ATP9A: variants seen among roughly 807,000 people sequenced by gnomAD.
ATP9A encodes the protein probable phospholipid-transporting ATPase IIA.
A neutral mutation model predicts 144.1 loss-of-function variants in ATP9A; 52 were observed. That is an observed-to-expected ratio of 0.36 (90% CI 0.29 to 0.45). The LOEUF (loss-of-function observed/expected upper bound fraction) is 0.45. Ranked by LOEUF, ATP9A falls within the 20% of genes least tolerant of loss-of-function variation. The probability of loss-of-function intolerance (pLI) is 1.00; values close to 1 mark genes in which losing one functional copy is unlikely to be tolerated. For missense variants in ATP9A, 947 were observed against 1,392.7 expected, an observed-to-expected ratio of 0.68 and a Z score of 5.09; for synonymous variants, 582 against 557.4, an observed-to-expected ratio of 1.04 and a Z score of -0.62.
intron 15 of ATP9A, 48 bp from the exon 16 acceptor site, chr20:51,629,120 T>C (rs2077261118): frequency 1.3e-6 from 2 of 1,495,666 alleles, no homozygotes; most frequent in Non-Finnish European, 1.9e-6. Context: ...GAACACCCTC[T>C]TTCAGCGGCA....
At chr20:51,627,860 G>A (rs2077255879) in intron 16 of ATP9A, among the ~76,000 whole-genome samples, 177 bp from the exon 17 acceptor site, 1 of 152,156 alleles carries the variant, frequency 6.6e-6, no homozygotes, top group Non-Finnish European at 1.5e-5. Flanking sequence ...AGGGGAAGTT[G>A]CAGAGAGGCA....
chr20:51,695,990 C>T, intron 6 of ATP9A, 103 bp downstream of exon 6: 2 of 1,094,624 alleles, frequency 1.8e-6, no homozygotes, highest in Non-Finnish European at 2.7e-6. Flanking sequence ...GCCTCCATGG[C>T]TCCAAAATGA....
chr20:51,702,011 T>TA (rs1284170772), intron 4 of ATP9A, among the ~76,000 whole-genome samples: 1 of 151,594 alleles, frequency 6.6e-6, no homozygotes, highest in Non-Finnish European at 1.5e-5. Context: ...TTAAAAAAGT[T>TA]AAATTAGGCC....
chr20:51,603,741 C>G (rs933278689), intron 27 of ATP9A, among the ~76,000 whole-genome samples: 4 of 151,494 alleles, frequency 2.6e-5, no homozygotes, highest in African/African-American at 9.7e-5. Flanking sequence ...GCTGACACTC[C>G]CCCATCTCTA....
chr20:51,637,551 G>A (rs191243343), intron 15 of ATP9A, among the ~76,000 whole-genome samples: 55 of 152,220 alleles, frequency 3.6e-4, no homozygotes, highest in African/African-American at 1.3e-3. Flanking sequence ...GATGCTGTAA[G>A]AGGTGGTCTG....
rs564257454 is a variant in ATP9A at position 51,629,272 on chromosome 20, T to G, written c.1669-200A>C. ...AAAGTAAAAGGAAAACTCAAAGCAC[T>G]TGGAAGATTTTCAATGATGAAAGAA... On this transcript the variant is annotated intron_variant, in intron 15 of 27. Coordinates refer to ENST00000338821, the MANE Select transcript of ATP9A (RefSeq NM_006045.3). 3.3e-5 allele frequency among the ~76,000 whole-genome samples: 5 copies of G among 152,310 alleles called. No individual in the cohort carries two copies. In the South Asian group the frequency reaches 1.0e-3, roughly 32 times the overall value.
At chr20:51,666,003 A>C (rs1035488064) in intron 13 of ATP9A, among the ~76,000 whole-genome samples, 3 of 152,196 alleles carry the variant, frequency 2.0e-5, no homozygotes, top group African/African-American at 7.2e-5. Context: ...ACAACTGTGG[A>C]ATTCCAGCCC....
intron 1 of ATP9A, among the ~76,000 whole-genome samples, chr20:51,738,075 C>T (rs1233260829): frequency 6.7e-6 from 1 of 150,188 alleles, no homozygotes; most frequent in Non-Finnish European, 1.5e-5. Flanking sequence ...GTTGCCCAGG[C>T]TGGAGTGCAG....
chr20:51,731,314 T>C (rs1372512111), intron 1 of ATP9A, among the ~76,000 whole-genome samples: 1 of 151,492 alleles, frequency 6.6e-6, no homozygotes, highest in Non-Finnish European at 1.5e-5. Flanking sequence ...AATAAATAAA[T>C]AAAAATAATA....
chr20:51,663,380 GGCC>G (rs1390843508), intron 13 of ATP9A, among the ~76,000 whole-genome samples: 1 of 152,060 alleles, frequency 6.6e-6, no homozygotes, highest in African/African-American at 2.4e-5. Flanking sequence ...CTTTGTGCTT[GGCC>G]GTATGATTTA....
At chr20:51,725,370 C>T (rs1030773871) in intron 3 of ATP9A, among the ~76,000 whole-genome samples, 1 of 152,246 alleles carries the variant, frequency 6.6e-6, no homozygotes, top group South Asian at 2.1e-4. Context: ...AATCCTCCCA[C>T]CTCGGCCTCC....
chr20:51,659,801 C>G (rs906970153), intron 13 of ATP9A, among the ~76,000 whole-genome samples: 1 of 152,136 alleles, frequency 6.6e-6, no homozygotes, highest in Non-Finnish European at 1.5e-5. Context: ...CATTAGACTC[C>G]TCAGGTAATT....
chr20:51,730,105 G>C (rs35031713), intron 1 of ATP9A, 127 bp from the exon 2 acceptor site: 78,594 of 1,049,562 alleles, frequency 0.075, 3,348 homozygotes, highest in African/African-American at 0.14. Flanking sequence ...AGCCATATTT[G>C]AGGCTTCATC....
intron 2 of ATP9A, among the ~76,000 whole-genome samples, chr20:51,729,463 C>T (rs1311924329): frequency 2.6e-5 from 4 of 152,008 alleles, no homozygotes; most frequent in Non-Finnish European, 5.9e-5. Flanking sequence ...AAGACTGTAC[C>T]GGCGGGCAAG....
At chr20:51,739,111 T>C (rs1025377510) in intron 1 of ATP9A, among the ~76,000 whole-genome samples, 3 of 152,074 alleles carry the variant, frequency 2.0e-5, no homozygotes, top group Non-Finnish European at 2.9e-5. Context: ...CCACCAGCTA[T>C]GACTCACCAG....
chr20:51,736,688 A>C (rs1030068057), intron 1 of ATP9A, among the ~76,000 whole-genome samples: 1 of 152,132 alleles, frequency 6.6e-6, no homozygotes, highest in Non-Finnish European at 1.5e-5. Context: ...CAACTCTACA[A>C]ATACACTAAA....
At position 51,602,835 on chromosome 20, in the gene ATP9A, T is replaced by C. The variant is rs561361067; in HGVS notation, c.3008-1488A>G. Among the ~76,000 whole-genome samples the C allele has an allele frequency of 2.0e-5, 3 of 152,316 alleles. No homozygotes were observed. In the South Asian group the frequency reaches 6.2e-4, roughly 32 times the overall value. On this transcript the variant is annotated intron_variant, in intron 27 of 27. Transcript: ENST00000338821. The stretch of plus-strand genomic sequence containing the variant: ...CTCCTAATTGACCACCTCCATGACA[T>C]GTTAATGTCACAGGTATACTGTGTA...
chr20:51,640,335 C>T (rs960851297), intron 14 of ATP9A, among the ~76,000 whole-genome samples: 4 of 152,172 alleles, frequency 2.6e-5, no homozygotes, highest in African/African-American at 9.7e-5. Flanking sequence ...GGAATCTGTA[C>T]TTGTCACAAC....
At chr20:51,645,760 G>A (rs756231622) in intron 14 of ATP9A, among the ~76,000 whole-genome samples, 61 of 152,164 alleles carry the variant, frequency 4.0e-4, no homozygotes, top group Admixed American at 6.6e-5. Context: ...CCTCTCGATT[G>A]TGGGCCAGAC....
Sources: gnomAD v4.1 joint callset for allele counts (sites outside exome capture counted in the v4.1 genomes callset) on GRCh38, gnomAD v4.1.1 for gene constraint, MANE v1.5 for transcripts, NCBI Gene and HGNC (gene_info 2026-07-23, HGNC 2026-07-21) for gene names.